HDAC9: variants seen among roughly 807,000 people sequenced by gnomAD.
HDAC9 encodes histone deacetylase 9, also known as MEF-2 interacting transcription repressor (MITR) protein.
HDAC9 carries 41 observed loss-of-function variants against 139.4 expected under a neutral mutation model. The observed-to-expected ratio is 0.29, with a 90% CI of 0.23 to 0.38. The LOEUF is 0.38. Ranked by LOEUF, HDAC9 falls within the 10% of genes least tolerant of loss-of-function variation. HDAC9 has a pLI of 1.00. For missense variants in HDAC9, 1,147 were observed against 1,297.0 expected, an observed-to-expected ratio of 0.88 and a Z score of 1.78; for synonymous variants, 517 against 476.2, an observed-to-expected ratio of 1.09 and a Z score of -1.12.
At chr7:18,294,975 A>G (rs1199513037) in intron 1 of HDAC9, among the ~76,000 whole-genome samples, 1 of 152,132 alleles carries the variant, frequency 6.6e-6, no homozygotes, top group Admixed American at 6.6e-5. Flanking sequence ...AACTGGGTCT[A>G]GTGAGACGTC....
intron 2 of HDAC9, among the ~76,000 whole-genome samples, chr7:18,532,336 G>C (rs1013572617): frequency 2.6e-5 from 4 of 152,130 alleles, no homozygotes; most frequent in African/African-American, 9.7e-5. Context: ...TGGCCATCCA[G>C]GAACACTGTT....
rs573457771 is a variant in HDAC9, at chr7:18,097,571, T to C, written c.-97+10358T>C. 4.6e-5 allele frequency among the ~76,000 whole-genome samples: 7 copies of C among 152,054 alleles called. No homozygotes were observed. The East Asian group carries it at 1.2e-3, about 25-fold the overall frequency. ...ATTTAAACTTGGATTATCTATATCA[T>C]TATTATCATTTTTAGAGACAAGGTC... is the stretch of plus-strand genomic sequence containing the variant. On this transcript the variant is annotated intron_variant, in intron 1 of 12. Coordinates refer to the HDAC9 transcript ENST00000417496.
chr7:18,455,130 C>T (rs1057213099), intron 1 of HDAC9, among the ~76,000 whole-genome samples: 8 of 152,050 alleles, frequency 5.3e-5, no homozygotes, highest in African/African-American at 1.9e-4. Flanking sequence ...GAGACAGGGA[C>T]ATAGAAATAA....
chr7:18,415,654 G>A (rs1788981377), intron 1 of HDAC9, among the ~76,000 whole-genome samples: 1 of 152,164 alleles, frequency 6.6e-6, no homozygotes, highest in African/African-American at 2.4e-5. Flanking sequence ...ACTTCATGTG[G>A]TGAAACGTGC....
chr7:18,086,896 C>G (rs897808598), upstream of HDAC9: 2 of 145,004 alleles, frequency 1.4e-5, no homozygotes, highest in South Asian at 2.1e-4. Context: ...CTCCCGAGCC[C>G]CCCCCGCGCG....
chr7:18,649,845 A>C (rs985125874), intron 11 of HDAC9, among the ~76,000 whole-genome samples: 20 of 152,084 alleles, frequency 1.3e-4, no homozygotes, highest in African/African-American at 4.6e-4. Context: ...GCCCTTCGCT[A>C]CTCTCAAAGT....
chr7:18,861,995 G>A (rs1798143660), intron 21 of HDAC9, among the ~76,000 whole-genome samples: 2 of 151,980 alleles, frequency 1.3e-5, no homozygotes, highest in African/African-American at 4.8e-5. Flanking sequence ...CTATTTTGAT[G>A]TAGTGAAATG....
chr7:18,402,360 A>C (rs1296604106), intron 1 of HDAC9, among the ~76,000 whole-genome samples: 2 of 152,212 alleles, frequency 1.3e-5, no homozygotes, highest in Non-Finnish European at 2.9e-5. Context: ...AGTAAATCTT[A>C]AAGACTGAGT....
intron 1 of HDAC9, among the ~76,000 whole-genome samples, chr7:18,488,470 T>G (rs1378576913): frequency 6.6e-6 from 1 of 152,026 alleles, no homozygotes; most frequent in African/African-American, 2.4e-5. Context: ...TTATACGAAG[T>G]ATAAAAATTG....
At chr7:18,115,225 A>G (rs1301505548) in intron 1 of HDAC9, among the ~76,000 whole-genome samples, 1 of 151,852 alleles carries the variant, frequency 6.6e-6, no homozygotes, top group African/African-American at 2.4e-5. Flanking sequence ...CCCGGGAGGC[A>G]GAGCTTGCAG....
intron 1 of HDAC9, among the ~76,000 whole-genome samples, chr7:18,402,600 G>A (rs573044626): frequency 2.0e-5 from 3 of 152,262 alleles, no homozygotes; most frequent in South Asian, 2.1e-4. Context: ...TGAATGTATC[G>A]GAGTGCCCTC....
intron 2 of HDAC9, among the ~76,000 whole-genome samples, chr7:18,219,960 T>C (rs1331534965): frequency 1.3e-5 from 2 of 152,196 alleles, no homozygotes; most frequent in East Asian, 1.9e-4. Context: ...CAGCCTGTTT[T>C]CTCACCTATA....
intron 17 of HDAC9, among the ~76,000 whole-genome samples, chr7:18,797,538 T>A (rs1792906622): frequency 6.6e-6 from 1 of 152,132 alleles, no homozygotes; most frequent in Non-Finnish European, 1.5e-5. Context: ...TATATTTTTT[T>A]AAATTATGGC....
At chr7:18,173,107 A>G (rs1788579377) in intron 2 of HDAC9, among the ~76,000 whole-genome samples, 1 of 152,150 alleles carries the variant, frequency 6.6e-6, no homozygotes, top group South Asian at 2.1e-4. Flanking sequence ...TAGGTCTCTA[A>G]GGACTTGCTT....
At position 18,668,372 on chromosome 7, in the gene HDAC9, A is replaced by G. The variant is rs541804169; in HGVS notation, c.1731+1896A>G. 2.7e-5 allele frequency: 25 copies of G among 933,454 alleles called. 1 individual carries two copies. The highest frequency in any genetic ancestry group is 3.2e-5 in the Non-Finnish European group (25 of 782,806). 57.8% of individuals were successfully genotyped at this position (933,454 alleles called of 1,614,324 possible). On this transcript the variant is annotated intron_variant, in intron 12 of 25. Coordinates refer to ENST00000686413, the MANE Select transcript of HDAC9 (RefSeq NM_178425.4). The stretch of plus-strand genomic sequence containing the variant: ...TATGGCATGCCTAAGATAAAATTGT[A>G]TATTTTTTCCATCTCATAAATATTC...
intron 13 of HDAC9, among the ~76,000 whole-genome samples, chr7:18,742,497 C>G (rs895906264): frequency 1.3e-5 from 2 of 152,200 alleles, no homozygotes; most frequent in African/African-American, 4.8e-5. Flanking sequence ...ATAACTTTTA[C>G]AAGCATAAGC....
intron 17 of HDAC9, among the ~76,000 whole-genome samples, chr7:18,820,580 G>C (rs1794890090): frequency 6.6e-6 from 1 of 152,118 alleles, no homozygotes; most frequent in Non-Finnish European, 1.5e-5. Flanking sequence ...GGGGGCCCTT[G>C]AGAGAAGGAA....
At chr7:18,986,804 T>A (rs1785396557) in intron 25 of HDAC9, among the ~76,000 whole-genome samples, 1 of 152,060 alleles carries the variant, frequency 6.6e-6, no homozygotes, top group Non-Finnish European at 1.5e-5. Flanking sequence ...GTAAGTTGGA[T>A]TCCTAGGTAT....
chr7:18,254,353 A>C (rs1037859135), intron 2 of HDAC9, among the ~76,000 whole-genome samples: 20 of 152,308 alleles, frequency 1.3e-4, no homozygotes, highest in African/African-American at 4.3e-4. Context: ...CTAAGACTTG[A>C]TTGCCTTGTA....
Sources: gnomAD v4.1 joint callset for allele counts (sites outside exome capture counted in the v4.1 genomes callset) on GRCh38, gnomAD v4.1.1 for gene constraint, MANE v1.5 for transcripts, NCBI Gene and HGNC (gene_info 2026-07-23, HGNC 2026-07-21) for gene names.